MTHFD2L: variants seen among roughly 807,000 people sequenced by gnomAD.
The protein encoded by MTHFD2L is methylenetetrahydrofolate dehydrogenase (NADP+ dependent) 2 like.
In MTHFD2L, 29 loss-of-function variants were observed where a neutral mutation model predicts 34.9. The observed-to-expected ratio is 0.83, with a 90% CI of 0.62 to 1.13. The LOEUF (loss-of-function observed/expected upper bound fraction) is 1.13. Ranked by LOEUF, MTHFD2L falls within the 50% of genes most tolerant of loss-of-function variation. MTHFD2L has a pLI of 0.00. For missense variants in MTHFD2L, 481 were observed against 446.5 expected (o/e 1.08, Z -0.70); for synonymous variants, 167 against 155.7 (o/e 1.07, Z -0.54).
intron 6 of MTHFD2L, chr4:74,267,987 A>G (rs1432687378): frequency 1.0e-6 from 1 of 985,118 alleles, no homozygotes; most frequent in Non-Finnish European, 1.2e-6. Flanking sequence ...GCATTCAGAT[A>G]TTGTCCTTGG....
In MTHFD2L at chr4:74,207,803, T is replaced by A. The variant is rs929996486; in HGVS notation, c.712+6433T>A. 3.0e-5 allele frequency among the ~76,000 whole-genome samples: 4 copies of A among 132,818 alleles called. No homozygotes were observed. The East Asian group carries it at 6.7e-4, about 22-fold the overall frequency. 87.1% of individuals were successfully genotyped at this position (132,818 alleles called of 152,430 possible). On this transcript the variant is annotated intron_variant, in intron 5 of 7. Transcript: ENST00000325278. ...TTTTTGCCAGCCTGGAAGTTTTATC[T>A]CCCACCTACAGGACATAATAACACA...
At chr4:74,150,443 G>A (rs369021806) in intron 1 of MTHFD2L, among the ~76,000 whole-genome samples, 3 of 152,082 alleles carry the variant, frequency 2.0e-5, no homozygotes, top group Admixed American at 1.3e-4. Flanking sequence ...TAGTAGAGAC[G>A]GTGTTTCTCT....
At chr4:74,248,838 C>T (rs2110192722) in intron 6 of MTHFD2L, among the ~76,000 whole-genome samples, 1 of 151,940 alleles carries the variant, frequency 6.6e-6, no homozygotes, top group East Asian at 1.9e-4. Context: ...GCACTGTGGT[C>T]TGAGAGACAG....
chr4:74,222,945 G>A (rs1292486012), intron 5 of MTHFD2L, among the ~76,000 whole-genome samples: 5 of 152,000 alleles, frequency 3.3e-5, no homozygotes, highest in Non-Finnish European at 1.5e-5. Context: ...AGATTCTGGC[G>A]AGGTTGCAGA....
chr4:74,168,060 G>C (rs1727130040), intron 1 of MTHFD2L, among the ~76,000 whole-genome samples: 1 of 152,088 alleles, frequency 6.6e-6, no homozygotes, highest in South Asian at 2.1e-4. Flanking sequence ...TAGCTTCTTA[G>C]CTGGAGTCTC....
intron 5 of MTHFD2L, among the ~76,000 whole-genome samples, chr4:74,207,983 A>G (rs478987): frequency 0.03 from 4,625 of 151,750 alleles, 248 homozygotes; most frequent in African/African-American, 0.11. Flanking sequence ...TGATCACACC[A>G]CTGAGACTGA....
intron 1 of MTHFD2L, among the ~76,000 whole-genome samples, chr4:74,137,365 A>G (rs1723006174): frequency 6.6e-6 from 1 of 152,222 alleles, no homozygotes; most frequent in African/African-American, 2.4e-5. Flanking sequence ...TATTAAAGTA[A>G]TGCTCAACAG....
chr4:74,160,096 C>T, intron 1 of MTHFD2L: 6 of 1,289,458 alleles, frequency 4.7e-6, no homozygotes, highest in Non-Finnish European at 2.0e-6. Context: ...GAGGTTGCCA[C>T]TGTCTGCCTC....
At chr4:74,278,053 A>G (rs1746921396) in intron 6 of MTHFD2L, among the ~76,000 whole-genome samples, 1 of 152,172 alleles carries the variant, frequency 6.6e-6, no homozygotes, top group Admixed American at 6.6e-5. Context: ...AGTTAGCTGA[A>G]TTAAACTGTG....
At chr4:74,237,322 T>C (rs1366880029) in intron 6 of MTHFD2L, among the ~76,000 whole-genome samples, 2 of 152,178 alleles carry the variant, frequency 1.3e-5, no homozygotes, top group African/African-American at 4.8e-5. Flanking sequence ...GAAAACTCCC[T>C]GTTCAATGAA....
chr4:74,229,524 T>A (rs1365660553), intron 6 of MTHFD2L, among the ~76,000 whole-genome samples: 1 of 152,094 alleles, frequency 6.6e-6, no homozygotes, highest in African/African-American at 2.4e-5. Flanking sequence ...TCAGAAAGAA[T>A]GATAATGTCT....
chr4:74,170,198 C>T (rs967260217), intron 1 of MTHFD2L, among the ~76,000 whole-genome samples: 2 of 152,126 alleles, frequency 1.3e-5, no homozygotes, highest in African/African-American at 2.4e-5. Flanking sequence ...CTACAAACAC[C>T]TCTTATGCAT....
At chr4:74,277,751 T>G (rs994969778) in intron 6 of MTHFD2L, among the ~76,000 whole-genome samples, 1 of 152,096 alleles carries the variant, frequency 6.6e-6, no homozygotes, top group Admixed American at 6.6e-5. Context: ...TTTAACATAT[T>G]GAAGAAACTA....
chr4:74,239,486 AT>A (rs1324567890), intron 6 of MTHFD2L, among the ~76,000 whole-genome samples: 653 of 130,102 alleles, frequency 5.0e-3, no homozygotes, highest in African/African-American at 0.012. Context: ...TTAAAGTATA[AT>A]TTTAAAAAAA....
chr4:74,137,194 A>G (rs1413620936), intron 1 of MTHFD2L, among the ~76,000 whole-genome samples: 8 of 152,232 alleles, frequency 5.3e-5, no homozygotes. Context: ...AGAATGGGAA[A>G]AAACAATTGC....
chr4:74,279,445 A>G (rs922957609), intron 6 of MTHFD2L, among the ~76,000 whole-genome samples: 1 of 152,062 alleles, frequency 6.6e-6, no homozygotes, highest in African/African-American at 2.4e-5. Flanking sequence ...TACAGTGGAT[A>G]TATAAAGCGT....
intron 6 of MTHFD2L, among the ~76,000 whole-genome samples, chr4:74,259,183 G>C (rs796814058): frequency 4.6e-5 from 7 of 152,228 alleles, no homozygotes; most frequent in African/African-American, 1.7e-4. Context: ...TCTCCAGAAG[G>C]AGCAGGCTGC....
At chr4:74,271,595 C>T (rs953262559) in intron 6 of MTHFD2L, among the ~76,000 whole-genome samples, 10 of 152,126 alleles carry the variant, frequency 6.6e-5, no homozygotes, top group African/African-American at 2.4e-4. Flanking sequence ...AGTTTGAAGT[C>T]AGGTAGCATG....
intron 6 of MTHFD2L, among the ~76,000 whole-genome samples, chr4:74,257,425 G>A (rs887395252): frequency 3.9e-5 from 6 of 152,128 alleles, no homozygotes; most frequent in Non-Finnish European, 1.5e-5. Context: ...TGAAAATGAA[G>A]TGATGAAGAA....
Sources: gnomAD v4.1 joint callset for allele counts (sites outside exome capture counted in the v4.1 genomes callset) on GRCh38, gnomAD v4.1.1 for gene constraint, MANE v1.5 for transcripts, NCBI Gene and HGNC (gene_info 2026-07-23, HGNC 2026-07-21) for gene names.